Variants in GRIN2B observed in about 807,000 individuals in gnomAD.
GRIN2B encodes glutamate ionotropic receptor NMDA type subunit 2B, also known as glutamate receptor ionotropic, NMDA 2B.
Under a neutral mutation model 114.5 loss-of-function variants are expected in GRIN2B, and 5 were observed. The ratio of observed to expected loss-of-function variants is 0.04; its 90% CI spans 0.02 to 0.09. The LOEUF (loss-of-function observed/expected upper bound fraction) is 0.09, where lower values mean the gene tolerates loss of function less well. Ranked by LOEUF, GRIN2B falls within the 10% of genes least tolerant of loss-of-function variation. GRIN2B has a pLI of 1.00. For missense variants in GRIN2B, 1,108 were observed against 1,943.5 expected (o/e 0.57, Z 8.08); for synonymous variants, 787 against 745.1 (o/e 1.06, Z -0.92).
intron 3 of GRIN2B, among the ~76,000 whole-genome samples, chr12:13,787,083 T>A (rs220551): frequency 0.96 from 146,881 of 152,338 alleles, 71,071 homozygotes; most frequent in Middle Eastern, 1. Context: ...AATATCTTTT[T>A]AAAATTGTTT....
At chr12:13,876,049 G>A (rs1355083396) in intron 2 of GRIN2B, among the ~76,000 whole-genome samples, 1 of 152,214 alleles carries the variant, frequency 6.6e-6, no homozygotes, top group Non-Finnish European at 1.5e-5. Context: ...ATGAGCTAAG[G>A]ACGAACAGAT....
chr12:13,575,759 C>A (rs1366971175), intron 10 of GRIN2B, among the ~76,000 whole-genome samples: 2 of 151,888 alleles, frequency 1.3e-5, no homozygotes, highest in Non-Finnish European at 2.9e-5. Flanking sequence ...GGTTTGGAGG[C>A]AGAGAATTTG....
rs531731030 is a variant in GRIN2B at position 13,608,258 on chromosome 12, C to T, written c.2010+345G>A. 1.4e-3 allele frequency among the ~76,000 whole-genome samples: 214 copies of T among 152,266 alleles called. 1 individual carries two copies. The highest frequency in any genetic ancestry group is 4.7e-3 in the African/African-American group (197 of 41,558). ...CCATCTCCTCGGTGTGGGTACACGG[C>T]GGCGGTCCTCTAATAACACCCCACA... On this transcript the variant is annotated intron_variant, in intron 10 of 13. Coordinates refer to ENST00000609686, the MANE Select transcript of GRIN2B (RefSeq NM_000834.5).
At chr12:13,773,317 T>C (rs1362210746) in intron 3 of GRIN2B, among the ~76,000 whole-genome samples, 1 of 152,172 alleles carries the variant, frequency 6.6e-6, no homozygotes, top group East Asian at 1.9e-4. Flanking sequence ...CTGCACAATA[T>C]TGAATGTTTA....
chr12:13,916,643 T>C (rs904266715), intron 2 of GRIN2B, among the ~76,000 whole-genome samples: 1 of 151,442 alleles, frequency 6.6e-6, no homozygotes, highest in Non-Finnish European at 1.5e-5. Flanking sequence ...GAAGCCAGGA[T>C]TCGAGACCAG....
intron 3 of GRIN2B, among the ~76,000 whole-genome samples, chr12:13,806,138 C>T (rs1305878869): frequency 6.6e-6 from 1 of 152,082 alleles, no homozygotes; most frequent in Non-Finnish European, 1.5e-5. Context: ...AACTGATGGA[C>T]ACTTAGGTTG....
intron 4 of GRIN2B, among the ~76,000 whole-genome samples, chr12:13,740,648 C>T (rs1468460029): frequency 6.6e-6 from 1 of 152,106 alleles, no homozygotes; most frequent in African/African-American, 2.4e-5. Flanking sequence ...ATTGCATGTC[C>T]CTGACAGTAT....
At chr12:13,904,217 TTC>T (rs892629797) in intron 2 of GRIN2B, among the ~76,000 whole-genome samples, 1 of 152,046 alleles carries the variant, frequency 6.6e-6, no homozygotes, top group Admixed American at 6.6e-5. Context: ...TTCTTCTTCT[TTC>T]TCTCTTTCTT....
At chr12:13,773,316 A>T (rs746520423) in intron 3 of GRIN2B, among the ~76,000 whole-genome samples, 1 of 152,190 alleles carries the variant, frequency 6.6e-6, no homozygotes, top group Non-Finnish European at 1.5e-5. Flanking sequence ...CCTGCACAAT[A>T]TTGAATGTTT....
At chr12:13,876,849 G>GT (rs146985736) in intron 2 of GRIN2B, among the ~76,000 whole-genome samples, 10,615 of 152,252 alleles carry the variant, frequency 0.07, 552 homozygotes, top group African/African-American at 0.15. Flanking sequence ...GGCAAAGCAT[G>GT]TGGCATAATG....
intron 2 of GRIN2B, among the ~76,000 whole-genome samples, chr12:13,883,188 G>A (rs1866096373): frequency 6.6e-6 from 1 of 152,062 alleles, no homozygotes; most frequent in African/African-American, 2.4e-5. Flanking sequence ...TACCACTTTT[G>A]GTGATCATGA....
intron 4 of GRIN2B, among the ~76,000 whole-genome samples, chr12:13,734,602 T>G (rs1863148744): frequency 6.6e-6 from 1 of 152,244 alleles, no homozygotes; most frequent in South Asian, 2.1e-4. Flanking sequence ...TATTTCTTTA[T>G]GGATTCATTC....
chr12:13,592,968 G>C (rs191862132), intron 10 of GRIN2B, among the ~76,000 whole-genome samples: 16 of 152,120 alleles, frequency 1.1e-4, no homozygotes, highest in Admixed American at 3.3e-4. Context: ...GGTCATGAAG[G>C]CCACTTTACA....
intron 4 of GRIN2B, among the ~76,000 whole-genome samples, chr12:13,677,940 A>T (rs775696175): frequency 1.3e-5 from 2 of 152,148 alleles, no homozygotes; most frequent in Admixed American, 6.6e-5. Context: ...ATTAAAAAAC[A>T]AGCACAAGGA....
intron 3 of GRIN2B, among the ~76,000 whole-genome samples, chr12:13,799,726 G>A (rs1791690056): frequency 6.6e-6 from 1 of 152,098 alleles, no homozygotes; most frequent in Non-Finnish European, 1.5e-5. Context: ...AGCAGGGAAG[G>A]AGGACTGGGG....
At chr12:13,642,033 C>CA (rs1949722202) in intron 5 of GRIN2B, among the ~76,000 whole-genome samples, 2 of 151,886 alleles carry the variant, frequency 1.3e-5, no homozygotes, top group Non-Finnish European at 2.9e-5. Flanking sequence ...ATTAAAAATA[C>CA]AAAAAATTAG....
intron 4 of GRIN2B, among the ~76,000 whole-genome samples, chr12:13,711,894 T>C (rs1373651519): frequency 6.6e-6 from 1 of 152,060 alleles, no homozygotes. Flanking sequence ...ACCCAAAAGA[T>C]TATAAATCAT....
At chr12:13,589,865 A>T (rs1292669033) in intron 10 of GRIN2B, among the ~76,000 whole-genome samples, 1 of 152,124 alleles carries the variant, frequency 6.6e-6, no homozygotes, top group Non-Finnish European at 1.5e-5. Context: ...CCTCTCCCAA[A>T]CTCACATCTA....
At chr12:13,955,109 C>G (rs1172428243) in intron 2 of GRIN2B, among the ~76,000 whole-genome samples, 1 of 151,868 alleles carries the variant, frequency 6.6e-6, no homozygotes, top group Admixed American at 6.6e-5. Context: ...ATGCATTTAA[C>G]AAAACATCTT....
Sources: allele counts gnomAD v4.1 joint callset (sites outside exome capture counted in the v4.1 genomes callset), GRCh38; gene constraint gnomAD v4.1.1; transcripts MANE v1.5; gene names NCBI Gene and HGNC (gene_info 2026-07-23, HGNC 2026-07-21).